Variants in CPNE5 observed in about 807,000 individuals in gnomAD.
CPNE5 encodes copine-5.
CPNE5 carries 42 observed loss-of-function variants against 81.1 expected under a neutral mutation model. The ratio of observed to expected loss-of-function variants is 0.52; its 90% confidence interval spans 0.40 to 0.67. CPNE5 has a LOEUF of 0.67. Ranked by LOEUF, CPNE5 falls within the 30% of genes least tolerant of loss-of-function variation. The probability of loss-of-function intolerance (pLI) is 0.00; values close to 1 mark genes in which losing one functional copy is unlikely to be tolerated. For missense variants in CPNE5, 612 were observed against 815.5 expected (o/e 0.75, Z 3.04); for synonymous variants, 313 against 321.5 (o/e 0.97, Z 0.28).
At chr6:36,748,553 A>G (rs562147020) in intron 14 of CPNE5, among the ~76,000 whole-genome samples, 1 of 152,212 alleles carries the variant, frequency 6.6e-6, no homozygotes, top group South Asian at 2.1e-4. Context: ...TTCCTCCACA[A>G]ACCCTACCCC....
chr6:36,809,289 A>C (rs1770884582), intron 3 of CPNE5, among the ~76,000 whole-genome samples: 2 of 152,132 alleles, frequency 1.3e-5, no homozygotes, highest in Non-Finnish European at 2.9e-5. Flanking sequence ...AAGAGTCCTC[A>C]ACCCTCCTGT....
intron 12 of CPNE5, among the ~76,000 whole-genome samples, chr6:36,757,914 G>A (rs1200622241): frequency 6.6e-6 from 1 of 152,156 alleles, no homozygotes; most frequent in Non-Finnish European, 1.5e-5. Context: ...AGCTGGGCTG[G>A]TTGGAGGAGA....
At chr6:36,817,550 T>C (rs936926379) in intron 3 of CPNE5, among the ~76,000 whole-genome samples, 8 of 152,168 alleles carry the variant, frequency 5.3e-5, no homozygotes, top group African/African-American at 1.4e-4. Flanking sequence ...CTGTATTGAC[T>C]CTTCCTGTAT....
At chr6:36,752,208 C>T (rs1764916496) in intron 14 of CPNE5, among the ~76,000 whole-genome samples, 1 of 152,172 alleles carries the variant, frequency 6.6e-6, no homozygotes, top group Non-Finnish European at 1.5e-5. Flanking sequence ...TGCCTGTCTC[C>T]TTTCCAGACA....
chr6:36,803,972 G>A (rs962036776), intron 3 of CPNE5, among the ~76,000 whole-genome samples: 8 of 152,128 alleles, frequency 5.3e-5, no homozygotes, highest in African/African-American at 1.4e-4. Context: ...CAGGAGGAAG[G>A]AAGTAAACTA....
chr6:36,788,228 G>C (rs868769540), intron 8 of CPNE5, among the ~76,000 whole-genome samples: 7 of 133,814 alleles, frequency 5.2e-5, no homozygotes, highest in African/African-American at 7.7e-5. Context: ...GAGATGGTCG[G>C]GGGGGGGTCT....
chr6:36,743,973 C>G (rs2096755474), intron 19 of CPNE5, among the ~76,000 whole-genome samples: 1 of 152,240 alleles, frequency 6.6e-6, no homozygotes, highest in Admixed American at 6.5e-5. Flanking sequence ...CTTTGGTTCA[C>G]CACCCTCCCC....
At chr6:36,774,468 C>T (rs933338696) in intron 10 of CPNE5, among the ~76,000 whole-genome samples, 1 of 152,200 alleles carries the variant, frequency 6.6e-6, no homozygotes, top group African/African-American at 2.4e-5. Context: ...GGATGTATCC[C>T]TAGGATCTTG....
chr6:36,798,547 C>G, intron 4 of CPNE5, 53 bp from the exon 5 acceptor site: 1 of 1,573,360 alleles, frequency 6.4e-7, no homozygotes, highest in South Asian at 1.1e-5. Flanking sequence ...TCTGCCCAAT[C>G]CTGCCTGGGT....
intron 15 of CPNE5, among the ~76,000 whole-genome samples, chr6:36,747,260 C>G (rs561733761): frequency 1.6e-4 from 25 of 152,178 alleles, no homozygotes; most frequent in Middle Eastern, 3.4e-3. Flanking sequence ...TTTCCCCCCC[C>G]AGAGCCCTCT....
intron 1 of CPNE5, among the ~76,000 whole-genome samples, chr6:36,823,523 G>T (rs976064762): frequency 3.3e-5 from 5 of 152,070 alleles, no homozygotes; most frequent in Non-Finnish European, 7.4e-5. Context: ...TTTTCTCAAG[G>T]CTCTACTTAC....
At chr6:36,808,529 T>C (rs758272713) in intron 3 of CPNE5, among the ~76,000 whole-genome samples, 2 of 152,048 alleles carry the variant, frequency 1.3e-5, no homozygotes, top group Non-Finnish European at 1.5e-5. Flanking sequence ...CTGCAGAACA[T>C]TGGGGCCCAG....
chr6:36,773,054 AT>A (rs893015807), intron 10 of CPNE5, among the ~76,000 whole-genome samples: 7 of 151,434 alleles, frequency 4.6e-5, no homozygotes, highest in African/African-American at 7.3e-5. Context: ...AAATTTTTAA[AT>A]TTTTTTTTGT....
At chr6:36,793,160 C>T (rs2150510181) in intron 7 of CPNE5, among the ~76,000 whole-genome samples, 1 of 152,240 alleles carries the variant, frequency 6.6e-6, no homozygotes, top group South Asian at 2.1e-4. Flanking sequence ...CTGTGGAACA[C>T]ACTTTGAGAA....
intron 3 of CPNE5, among the ~76,000 whole-genome samples, chr6:36,803,904 C>T (rs1405787807): frequency 6.6e-6 from 1 of 152,034 alleles, no homozygotes; most frequent in Non-Finnish European, 1.5e-5. Flanking sequence ...TTTTAAAGTT[C>T]CCTAGGTGAT....
At chr6:36,821,926 C>T (rs565485220) in intron 3 of CPNE5, among the ~76,000 whole-genome samples, 188 bp downstream of exon 3, 43 of 152,336 alleles carry the variant, frequency 2.8e-4, no homozygotes, top group Admixed American at 2.3e-3. Context: ...CAGGAACCAT[C>T]CCCTCCATCT....
intron 3 of CPNE5, among the ~76,000 whole-genome samples, chr6:36,811,887 T>C (rs1771134851): frequency 1.3e-5 from 2 of 152,132 alleles, no homozygotes; most frequent in African/African-American, 4.8e-5. Context: ...GCGGATCTCC[T>C]GAGCTCAGGA....
Position 36,794,561 on chromosome 6 carries a change from T to C in CPNE5, c.464+29A>G, listed in dbSNP as rs751708032. On this transcript the variant is annotated intron_variant, in intron 7 of 20. Coordinates refer to ENST00000244751, the MANE Select transcript of CPNE5 (RefSeq NM_020939.2). Reference sequence around the variant, plus strand: ...CAGAGCTGGCTGAATGTCTAAGGACTCCAGGGCCAGAGATGTCTGGCAACG... The same window carrying C: ...CAGAGCTGGCTGAATGTCTAAGGACCCCAGGGCCAGAGATGTCTGGCAACG... The C allele has an allele frequency of 3.5e-5, 57 of 1,610,296 alleles. 1 individual carries two copies. The South Asian group carries it at 6.0e-4, about 17-fold the overall frequency.
At position 36,768,225 on chromosome 6, in the gene CPNE5, C is replaced by CTTTTTTTTTTTTTTTTTTTTTT. The variant is rs10586762; in HGVS notation, c.738-2871_738-2850dup. On this transcript the variant is annotated intron_variant, in intron 10 of 20. Coordinates refer to ENST00000244751, the MANE Select transcript of CPNE5 (RefSeq NM_020939.2). ...GGCTTTGACTACTCTATTCACAGTT[C>CTTTTTTTTTTTTTTTTTTTTTT]TTTTTTTTTTTTTTTTTTTTTTTTT... Among the ~76,000 whole-genome samples, 16 of 60,510 alleles carry CTTTTTTTTTTTTTTTTTTTTTT rather than the reference C, an allele frequency of 2.6e-4. 2 individuals are homozygous for CTTTTTTTTTTTTTTTTTTTTTT. Among genetic ancestry groups the CTTTTTTTTTTTTTTTTTTTTTT allele is most frequent in the East Asian group, 1.2e-3 (2 of 1,720 alleles). 39.7% of individuals were successfully genotyped at this position (60,510 alleles called of 152,430 possible). A position where few individuals can be genotyped will look rare whatever the true frequency, so the allele number is the denominator to read the frequency against.
Sources: gnomAD v4.1 joint callset for allele counts (sites outside exome capture counted in the v4.1 genomes callset) on GRCh38, gnomAD v4.1.1 for gene constraint, MANE v1.5 for transcripts, NCBI Gene and HGNC (gene_info 2026-07-23, HGNC 2026-07-21) for gene names.